DCP1B: variants seen among roughly 807,000 people sequenced by gnomAD.
The protein encoded by DCP1B is mRNA-decapping enzyme 1B.
DCP1B carries 47 observed loss-of-function variants against 60.5 expected under a neutral mutation model. That is an observed-to-expected ratio of 0.78 (90% CI 0.61 to 0.99). The LOEUF is 0.99. DCP1B is among the 50% of genes least tolerant of loss of function. DCP1B has a pLI of 0.00. For synonymous variants in DCP1B, 267 were observed against 280.3 expected, an observed-to-expected ratio of 0.95 and a Z score of 0.47; for missense variants, 725 against 756.8, an observed-to-expected ratio of 0.96 and a Z score of 0.49.
At chr12:1,995,703 C>CCCCAAA (rs1370750543) in intron 2 of DCP1B, among the ~76,000 whole-genome samples, 1 of 152,266 alleles carries the variant, frequency 6.6e-6, no homozygotes, top group Non-Finnish European at 1.5e-5. Flanking sequence ...CCTCTCTGTG[C>CCCCAAA]TGTTCTAGTC....
intron 3 of DCP1B, among the ~76,000 whole-genome samples, chr12:1,985,959 T>C (rs532058623): frequency 0.012 from 1,834 of 152,272 alleles, 14 homozygotes; most frequent in Middle Eastern, 0.02. Context: ...TGCAGGTGCC[T>C]GCCACCACAC....
At chr12:1,972,149 C>A (rs570901994) in intron 3 of DCP1B, among the ~76,000 whole-genome samples, 7 of 152,316 alleles carry the variant, frequency 4.6e-5, no homozygotes, top group African/African-American at 1.7e-4. Flanking sequence ...TGGAAAGCCA[C>A]GGAAACGTGG....
chr12:1,945,825 T>G (rs541845266), downstream of DCP1B, among the ~76,000 whole-genome samples: 1 of 152,120 alleles, frequency 6.6e-6, no homozygotes, highest in African/African-American at 2.4e-5. Context: ...CAGGTGGGAA[T>G]TGAACAATGA....
At chr12:1,985,370 C>G (rs1014575726) in intron 3 of DCP1B, among the ~76,000 whole-genome samples, 1 of 152,124 alleles carries the variant, frequency 6.6e-6, no homozygotes, top group African/African-American at 2.4e-5. Flanking sequence ...ACTAACTCTT[C>G]TTTCCACTGT....
chr12:1,997,360 G>A (rs1487230847), intron 2 of DCP1B, among the ~76,000 whole-genome samples: 1 of 152,094 alleles, frequency 6.6e-6, no homozygotes, highest in Non-Finnish European at 1.5e-5. Context: ...AACCTCCGTT[G>A]CTACTAAAAA....
chr12:1,977,625 A>G (rs1172833123), intron 3 of DCP1B, among the ~76,000 whole-genome samples: 3 of 152,362 alleles, frequency 2.0e-5, no homozygotes, highest in African/African-American at 7.2e-5. Flanking sequence ...AATATAAGAT[A>G]TGGTCTTTGC....
In DCP1B at chr12:1,948,947, G is replaced by A; in HGVS notation, c.1773+139C>T. ...TAGCTAACTGAGCACAGAAGCCGCT[G>A]GGGTCAGGATGAGTTGTTACACACA... On this transcript the variant is annotated intron_variant, in intron 8 of 8. Coordinates refer to ENST00000280665, the MANE Select transcript of DCP1B (RefSeq NM_152640.5). The surrounding 1 kb of genome is among the most constrained non-coding windows in gnomAD (Gnocchi z 4.8). 8.9e-7 allele frequency: 1 copy of A among 1,120,552 alleles called. No individual in the cohort carries two copies. The highest frequency in any genetic ancestry group is 2.6e-5 in the Admixed American group (1 of 37,918). The allele number at this position is 1,120,552 out of a possible 1,614,324, so 69.4% of individuals were successfully genotyped here. A position where few individuals can be genotyped will look rare whatever the true frequency, so the allele number is the denominator to read the frequency against.
intron 3 of DCP1B, among the ~76,000 whole-genome samples, chr12:1,978,138 C>T (rs2035004295): frequency 2.6e-5 from 4 of 152,140 alleles, no homozygotes; most frequent in Admixed American, 2.0e-4. Flanking sequence ...AATCTTGCTT[C>T]TCTGACCATG....
chr12:1,999,958 ACTTAT>A (rs1182403289), intron 1 of DCP1B, among the ~76,000 whole-genome samples: 4 of 152,188 alleles, frequency 2.6e-5, no homozygotes, highest in Admixed American at 6.5e-5. Flanking sequence ...CAGAAACATT[ACTTAT>A]CTTTCTTTGA....
downstream of DCP1B, among the ~76,000 whole-genome samples, chr12:1,943,333 T>C (rs2030325885): frequency 6.6e-6 from 1 of 152,166 alleles, no homozygotes; most frequent in African/African-American, 2.4e-5. Flanking sequence ...ACCAGATGGA[T>C]TCACAGCTGA....
intron 1 of DCP1B, among the ~76,000 whole-genome samples, chr12:2,003,385 T>C (rs1180810146): frequency 1.3e-5 from 2 of 152,256 alleles, no homozygotes; most frequent in Non-Finnish European, 2.9e-5. Context: ...TTGTAACTTA[T>C]TTTAAAATGA....
chr12:1,996,214 T>C (rs941877015), intron 2 of DCP1B, among the ~76,000 whole-genome samples: 2 of 152,202 alleles, frequency 1.3e-5, no homozygotes, highest in Non-Finnish European at 2.9e-5. Flanking sequence ...ATACACTGAC[T>C]TTCCCCATAC....
At chr12:1,987,014 C>T (rs944641425) in intron 3 of DCP1B, among the ~76,000 whole-genome samples, 8 of 151,956 alleles carry the variant, frequency 5.3e-5, no homozygotes, top group Non-Finnish European at 8.8e-5. Context: ...GGGGATAGAA[C>T]GAAGGAGAGA....
rs2154456983 is a variant in DCP1B, at chr12:1,962,222, A to G, written c.522+3336T>C. Among the ~76,000 whole-genome samples, 1 of 152,254 alleles carries G rather than the reference A, an allele frequency of 6.6e-6. No homozygotes were observed. Among genetic ancestry groups the G allele is most frequent in the South Asian group, 2.1e-4 (1 of 4,822 alleles). ...CCTGGCCCTGGGATGATTAAGGCAG[A>G]GGAATATTGTACAGGCCAGAGACGA... On this transcript the variant is annotated intron_variant, in intron 5 of 8. Coordinates refer to ENST00000280665, the MANE Select transcript of DCP1B (RefSeq NM_152640.5). The surrounding 1 kb of genome is among the most constrained non-coding windows in gnomAD (Gnocchi z 4.4).
Position 1,946,176 on chromosome 12 carries a change from C to T in DCP1B, c.*30G>A. 6.5e-7 allele frequency: 1 copy of T among 1,530,138 alleles called. No individual in the cohort carries two copies. Among genetic ancestry groups the T allele is most frequent in the Non-Finnish European group, 8.8e-7 (1 of 1,135,652 alleles). The allele number at this position is 1,530,138 out of a possible 1,614,324, so 94.8% of individuals were successfully genotyped here. A position where few individuals can be genotyped will look rare whatever the true frequency, so the allele number is the denominator to read the frequency against. Reference sequence around the variant, plus strand: ...CCTTGTGCCGGAGTTCTAGAAGGACCTTGAAAATCAGTTTTAAAAGGCCTT... The same window carrying T: ...CCTTGTGCCGGAGTTCTAGAAGGACTTTGAAAATCAGTTTTAAAAGGCCTT... On this transcript the variant is annotated 3_prime_UTR_variant, in exon 9 of 9. Coordinates refer to ENST00000280665, the MANE Select transcript of DCP1B (RefSeq NM_152640.5).
At chr12:1,952,362 A>C in intron 7 of DCP1B, 54 bp downstream of exon 7, 12 of 1,456,406 alleles carry the variant, frequency 8.2e-6, no homozygotes, top group Non-Finnish European at 1.0e-5. Flanking sequence ...TTTTAGGGAC[A>C]GGATCTTGCT....
chr12:1,941,946 C>G (rs544667063), downstream of DCP1B, among the ~76,000 whole-genome samples: 86 of 152,254 alleles, frequency 5.6e-4, no homozygotes, highest in African/African-American at 1.9e-3. Flanking sequence ...ACAATATTAA[C>G]CTTAAATGTA....
chr12:1,946,039 A>T (rs1005108267), downstream of DCP1B: 7 of 527,916 alleles, frequency 1.3e-5, no homozygotes, highest in Non-Finnish European at 2.0e-5. Context: ...AATAATAATT[A>T]AAAAACACTT....
At chr12:1,997,702 A>T (rs992170329) in intron 2 of DCP1B, among the ~76,000 whole-genome samples, 1 of 152,230 alleles carries the variant, frequency 6.6e-6, no homozygotes, top group South Asian at 2.1e-4. Flanking sequence ...CAATGATTTA[A>T]GTTCATCTAC....
Sources: allele counts gnomAD v4.1 joint callset (sites outside exome capture counted in the v4.1 genomes callset), GRCh38; gene constraint gnomAD v4.1.1; non-coding constraint Gnocchi (gnomAD v3.1); transcripts MANE v1.5; gene names NCBI Gene and HGNC (gene_info 2026-07-23, HGNC 2026-07-21).